ABCC8: variants seen among roughly 807,000 people sequenced by gnomAD.
The protein encoded by ABCC8 is ATP binding cassette subfamily C member 8.
Under a neutral mutation model 188.0 loss-of-function variants are expected in ABCC8, and 137 were observed. That is an observed-to-expected ratio of 0.73 (90% confidence interval 0.63 to 0.84). The LOEUF (loss-of-function observed/expected upper bound fraction) is 0.84, where lower values mean the gene tolerates loss of function less well. ABCC8 is among the 40% of genes least tolerant of loss of function. The pLI is 0.00. For synonymous variants in ABCC8, 797 were observed against 846.5 expected (o/e 0.94, Z 1.01); for missense variants, 1,750 against 2,072.7 (o/e 0.84, Z 3.02).
At chr11:17,459,425 A>G (rs533120357) in intron 6 of ABCC8, among the ~76,000 whole-genome samples, 1 of 152,322 alleles carries the variant, frequency 6.6e-6, no homozygotes, top group Admixed American at 6.5e-5. Context: ...AATCAGACTC[A>G]ACGTATCTCA....
chr11:17,460,980 C>T (rs1390428009), intron 5 of ABCC8: 1 of 463,192 alleles, frequency 2.2e-6, no homozygotes, highest in Non-Finnish European at 3.9e-6. Flanking sequence ...GTGCCACACT[C>T]ACTCATTACC....
intron 23 of ABCC8, among the ~76,000 whole-genome samples, chr11:17,407,930 T>C (rs566339473): frequency 1.3e-5 from 2 of 151,974 alleles, no homozygotes; most frequent in African/African-American, 2.4e-5. Flanking sequence ...ACTGATACCA[T>C]GAGAATGGAG....
chr11:17,405,669 A>C (rs1181073072), intron 26 of ABCC8, 106 bp from the exon 27 acceptor site: 2 of 1,582,720 alleles, frequency 1.3e-6, no homozygotes, highest in South Asian at 2.3e-5. Context: ...GGAGTCATTC[A>C]TGGGTCTGGC....
At chr11:17,435,998 A>T in intron 10 of ABCC8, 2 of 1,552,966 alleles carry the variant, frequency 1.3e-6, no homozygotes, top group East Asian at 4.5e-5. Context: ...ATGGGAAGAG[A>T]CCAACTGTAG....
intron 10 of ABCC8, 114 bp from the exon 11 acceptor site, chr11:17,432,358 A>G: frequency 6.5e-7 from 1 of 1,542,992 alleles, no homozygotes. Flanking sequence ...TGTGGGGCAC[A>G]GCTCCAGTAG....
intron 16 of ABCC8, 81 bp from the exon 17 acceptor site, chr11:17,417,043 GA>G: frequency 6.2e-7 from 1 of 1,601,140 alleles, no homozygotes; most frequent in Non-Finnish European, 8.5e-7. Flanking sequence ...TCTTAGGGGA[GA>G]AGCAATCCCC....
At chr11:17,417,068 C>T in intron 16 of ABCC8, 106 bp from the exon 17 acceptor site, 1 of 1,574,078 alleles carries the variant, frequency 6.4e-7, no homozygotes, top group Non-Finnish European at 8.6e-7. Context: ...TCCAACCCTC[C>T]CACCCATTCC....
chr11:17,420,397 A>C (rs996349017), intron 16 of ABCC8, among the ~76,000 whole-genome samples: 6 of 152,196 alleles, frequency 3.9e-5, no homozygotes, highest in Non-Finnish European at 8.8e-5. Context: ...GCCAGGGGCC[A>C]TCTGGTTCCC....
intron 10 of ABCC8, among the ~76,000 whole-genome samples, chr11:17,441,089 C>A (rs930119813): frequency 1.3e-5 from 2 of 152,180 alleles, no homozygotes; most frequent in Non-Finnish European, 2.9e-5. Context: ...CCAAAAGAAC[C>A]AATTTTAGTT....
chr11:17,406,480 G>C, intron 26 of ABCC8, 142 bp downstream of exon 26: 4 of 840,458 alleles, frequency 4.8e-6, no homozygotes, highest in Non-Finnish European at 7.4e-6. Context: ...CACAAGGAGG[G>C]CACTTTTACA....
At chr11:17,463,062 C>A (rs917295908) in intron 4 of ABCC8, among the ~76,000 whole-genome samples, 29 of 152,142 alleles carry the variant, frequency 1.9e-4, no homozygotes, top group African/African-American at 6.8e-4. Context: ...GAAAACAAAA[C>A]ACTTACTCAT....
In ABCC8 at chr11:17,443,225, G is replaced by A. The variant is rs1956393024; in HGVS notation, c.1420C>T (p.Gln474Ter). ...AAVIILLAPV[Q>*]YFVATKLSQA... ...GACAGCTTGGTGGCCACGAAGTACT[G>A]GACAGGAGCCAGTAGAATGATGACA... is the stretch of plus-strand genomic sequence containing the variant. The change falls in exon 9 of 39, where the codon CAG becomes TAG. Residue 474 changes from glutamine (Q) to a stop codon, truncating the protein, a stop_gained. Coordinates refer to ENST00000389817, the MANE Select transcript of ABCC8 (RefSeq NM_000352.6). LOFTEE classifies it high-confidence loss of function. 6.2e-7 allele frequency: 1 copy of A among 1,614,014 alleles called. No homozygotes were observed. The highest frequency in any genetic ancestry group is 1.3e-5 in the African/African-American group (1 of 74,908).
chr11:17,442,978 C>G, intron 9 of ABCC8, 96 bp from the exon 10 acceptor site: 1 of 1,596,924 alleles, frequency 6.3e-7, no homozygotes. Context: ...CCATGCCCGC[C>G]TCCTGTCCTC....
chr11:17,445,332 G>A (rs1218085374), intron 8 of ABCC8, among the ~76,000 whole-genome samples: 1 of 152,072 alleles, frequency 6.6e-6, no homozygotes, highest in Non-Finnish European at 1.5e-5. Context: ...GGGCGAAGAT[G>A]AGGAGTGACT....
chr11:17,445,707 G>C (rs910462337), intron 8 of ABCC8, among the ~76,000 whole-genome samples: 1 of 151,930 alleles, frequency 6.6e-6, no homozygotes, highest in Non-Finnish European at 1.5e-5. Flanking sequence ...TCTATAAGTG[G>C]TAAAGGTATA....
rs754415092 is a variant in ABCC8, at chr11:17,397,710, C to T, written c.3841G>A (p.Gly1281Ser). The T allele has an allele frequency of 2.5e-6, 4 of 1,613,434 alleles. No homozygotes were observed. In the South Asian group the frequency reaches 4.4e-5, roughly 18 times the overall value. The change falls in exon 31 of 39, where the codon GGC (glycine) becomes AGC (serine). Residue 1281 changes from glycine (G) to serine (S), a missense_variant. By Grantham distance (56) the Gly-to-Ser change is moderately conservative (BLOSUM62 0). Transcript: ENST00000389817. The stretch of plus-strand genomic sequence containing the variant: ...ATTAGGGCGTAGGTAAGGCCCAGGC[C>T]CACCAGGCCAGCAGAGAGCTCCCTG... ...LHRELSAGLV[G>S]LGLTYALMVS...
Position 17,476,791 on chromosome 11 carries a change from G to A in ABCC8, c.-15C>T, listed in dbSNP as rs1290659785. ...GCCAGGGGCATGGCGGCGCGGGCGCGGGCTGGGCTCGGGCTCAGCTGGCTC... is the reference window on the plus strand; with the variant it reads ...GCCAGGGGCATGGCGGCGCGGGCGCAGGCTGGGCTCGGGCTCAGCTGGCTC... On this transcript the variant is annotated 5_prime_UTR_variant, in exon 1 of 39. Coordinates refer to ENST00000389817, the MANE Select transcript of ABCC8 (RefSeq NM_000352.6). 2 of 1,540,008 alleles carry A rather than the reference G, an allele frequency of 1.3e-6. No individual in the cohort carries two copies. The highest frequency in any genetic ancestry group is 8.7e-7 in the Non-Finnish European group (1 of 1,143,200).
At chr11:17,466,867 T>C (rs933305646) in intron 3 of ABCC8, among the ~76,000 whole-genome samples, 9 of 152,112 alleles carry the variant, frequency 5.9e-5, no homozygotes, top group Non-Finnish European at 1.3e-4. Context: ...GGTTTTGGCA[T>C]GTTGGCCAGG....
At position 17,443,261 on chromosome 11, in the gene ABCC8, T is replaced by C. The variant is rs117874766; in HGVS notation, c.1384A>G (p.Ile462Val). ...LYYILGVSAL[I>V]GAAVIILLAP... Reference sequence around the variant, plus strand: ...AGTAGAATGATGACAGCTGCTCCAATTAAGGCACTGACTCCGAGTATGTAG... The same window carrying C: ...AGTAGAATGATGACAGCTGCTCCAACTAAGGCACTGACTCCGAGTATGTAG... The change falls in exon 9 of 39, where the codon ATT (isoleucine) becomes GTT (valine). Residue 462 changes from isoleucine (I) to valine (V), a missense_variant. Coordinates refer to ENST00000389817, the MANE Select transcript of ABCC8 (RefSeq NM_000352.6). 1.7e-3 allele frequency: 2,726 copies of C among 1,614,100 alleles called. 6 individuals are homozygous for C. The highest frequency in any genetic ancestry group is 2.2e-3 in the Non-Finnish European group (2,621 of 1,180,022).
Sources: allele counts gnomAD v4.1 joint callset (sites outside exome capture counted in the v4.1 genomes callset), GRCh38; gene constraint gnomAD v4.1.1; transcripts MANE v1.5; gene names NCBI Gene and HGNC (gene_info 2026-07-23, HGNC 2026-07-21).